The following TEX11 variants were observed in gnomAD, a reference collection of about 807,000 sequenced individuals.
TEX11 encodes testis-expressed protein 11.
TEX11 carries 7 observed loss-of-function variants against 84.4 expected under a neutral mutation model. The ratio of observed to expected loss-of-function variants is 0.08; its 90% CI spans 0.05 to 0.16. TEX11 has a LOEUF of 0.16. TEX11 is among the 10% of genes least tolerant of loss of function. TEX11 has a pLI of 1.00. For missense variants in TEX11, 551 were observed against 660.5 expected, an observed-to-expected ratio of 0.83 and a Z score of 1.82; for synonymous variants, 264 against 222.8, an observed-to-expected ratio of 1.18 and a Z score of -1.64.
At chrX:70,564,533 T>C (rs1004503753) in intron 25 of TEX11, among the ~76,000 whole-genome samples, 2 of 107,590 alleles carry the variant, frequency 1.9e-5, no homozygotes, top group African/African-American at 6.8e-5. Context: ...TAGGTATATC[T>C]CCTAAAGCTA....
chrX:70,539,545 G>C (rs2088013762), intron 28 of TEX11, among the ~76,000 whole-genome samples: 1 of 111,212 alleles, frequency 9.0e-6, no homozygotes. Flanking sequence ...TTGTGACTCT[G>C]TGACTCTGAC....
At chrX:70,517,462 G>A in the TEX11 span, among the ~76,000 whole-genome samples, 8 of 110,844 alleles carry the variant, frequency 7.2e-5, no homozygotes, top group East Asian at 2.0e-3. Flanking sequence ...TTGTATCCCA[G>A]GGTTGAAGCC....
chrX:70,750,933 A>AAAAATATATATAT (rs1390175136), intron 9 of TEX11, among the ~76,000 whole-genome samples: 4 of 28,196 alleles, frequency 1.4e-4, no homozygotes, highest in African/African-American at 3.6e-4. Context: ...AAAAAAAAAA[A>AAAAATATATATAT]ATATATATAT....
intron 25 of TEX11, among the ~76,000 whole-genome samples, chrX:70,574,588 CT>C (rs201808577): frequency 0.011 from 1,204 of 111,569 alleles, 11 homozygotes; most frequent in African/African-American, 0.038. Context: ...GATATAATTT[CT>C]GGTGTTATAG....
chrX:70,657,844 A>G (rs1418208876), intron 16 of TEX11, among the ~76,000 whole-genome samples: 2 of 95,360 alleles, frequency 2.1e-5, no homozygotes, highest in East Asian at 7.1e-4. Flanking sequence ...CAAACACCGC[A>G]TGTTCTCACT....
At chrX:70,777,675 T>A (rs1569438000) in intron 9 of TEX11, among the ~76,000 whole-genome samples, 1 of 110,127 alleles carries the variant, frequency 9.1e-6, no homozygotes, top group Non-Finnish European at 1.9e-5. Context: ...TTATAAATAA[T>A]AAATAAATAA....
chrX:70,746,683 C>T (rs1209917870), intron 9 of TEX11, among the ~76,000 whole-genome samples: 1 of 112,049 alleles, frequency 8.9e-6, no homozygotes. Flanking sequence ...TCTAAGGACA[C>T]TGCTGAAAAC....
intron 28 of TEX11, among the ~76,000 whole-genome samples, chrX:70,547,380 T>C (rs1909422434): frequency 9.0e-6 from 1 of 110,676 alleles, no homozygotes; most frequent in South Asian, 3.8e-4. Flanking sequence ...ATTTAATAAC[T>C]ATCTACACAA....
intron 20 of TEX11, among the ~76,000 whole-genome samples, chrX:70,618,048 G>A (rs182395809): frequency 5.4e-5 from 6 of 112,068 alleles, no homozygotes; most frequent in Admixed American, 2.8e-4. Context: ...ATCAAAGAAG[G>A]TAAAAACAAA....
chrX:70,806,844 C>T (rs2091222380), intron 8 of TEX11, 54 bp from the exon 9 acceptor site: 2 of 896,334 alleles, frequency 2.2e-6, no homozygotes, highest in South Asian at 2.3e-5. Flanking sequence ...TCCCAACACA[C>T]TTTGGGAGGC....
intron 13 of TEX11, among the ~76,000 whole-genome samples, chrX:70,683,965 T>C (rs1179943719): frequency 8.9e-6 from 1 of 112,055 alleles, no homozygotes; most frequent in Non-Finnish European, 1.9e-5. Flanking sequence ...AGGACAGTCC[T>C]TTCAGCAAAT....
intron 17 of TEX11, among the ~76,000 whole-genome samples, chrX:70,647,394 T>C (rs1373171003): frequency 1.8e-5 from 2 of 111,190 alleles, no homozygotes; most frequent in Non-Finnish European, 3.8e-5. Context: ...GTTTAAGTGT[T>C]CTCACCACAA....
At chrX:70,678,296 A>G (rs1188777289) in intron 15 of TEX11, among the ~76,000 whole-genome samples, 2 of 111,071 alleles carry the variant, frequency 1.8e-5, no homozygotes, top group African/African-American at 3.3e-5. Flanking sequence ...GTGGAAGCAA[A>G]CACAACTTTT....
chrX:70,777,598 G>A (rs183098762), intron 9 of TEX11, among the ~76,000 whole-genome samples: 131 of 111,818 alleles, frequency 1.2e-3, no homozygotes, highest in African/African-American at 3.9e-3. Context: ...GCGGTGAGCC[G>A]ATATCACATC....
intron 5 of TEX11, among the ~76,000 whole-genome samples, chrX:70,858,277 G>A (rs142766671): frequency 9.1e-4 from 98 of 108,177 alleles, no homozygotes; most frequent in African/African-American, 2.2e-3. Context: ...GTAAAACTCC[G>A]TCTCTACTAA....
At chrX:70,802,743 C>T (rs888852748) in intron 9 of TEX11, among the ~76,000 whole-genome samples, 1 of 111,227 alleles carries the variant, frequency 9.0e-6, no homozygotes, top group Non-Finnish European at 1.9e-5. Context: ...GAAAGTAGAG[C>T]ATTTTTCTCC....
rs147815905 is a variant in TEX11, at chrX:70,623,408, A to G, written c.1751+542T>C. ...TTATTCCAAAGATATTGTGCACAGA[A>G]ATATATTTGAATACTCTCAGCAGAC... On this transcript the variant is annotated intron_variant, in intron 20 of 29. Coordinates refer to ENST00000374333, the MANE Select transcript of TEX11 (RefSeq NM_031276.3). Among the ~76,000 whole-genome samples, 620 of 112,092 alleles carry G rather than the reference A, an allele frequency of 5.5e-3. 2 individuals carry two copies. Among genetic ancestry groups the G allele is most frequent in the African/African-American group, 0.018 (568 of 30,932 alleles).
At chrX:70,595,502 G>A (rs1323471039) in intron 24 of TEX11, among the ~76,000 whole-genome samples, 5 of 111,155 alleles carry the variant, frequency 4.5e-5, no homozygotes, top group African/African-American at 1.6e-4. Flanking sequence ...TAAAAAAAGA[G>A]GAGAGAACAG....
chrX:70,725,482 T>C (rs2090592751), intron 11 of TEX11, 139 bp from the exon 12 acceptor site: 2 of 371,451 alleles, frequency 5.4e-6, no homozygotes, highest in Admixed American at 8.3e-5. Flanking sequence ...GACCATATCA[T>C]AACATTTGTT....
Sources: gnomAD v4.1 joint callset for allele counts (sites outside exome capture counted in the v4.1 genomes callset) on GRCh38, gnomAD v4.1.1 for gene constraint, MANE v1.5 for transcripts, NCBI Gene and HGNC (gene_info 2026-07-23, HGNC 2026-07-21) for gene names.